The following RADIL variants were observed in gnomAD, a reference collection of about 807,000 sequenced individuals.
RADIL encodes the protein ras-associating and dilute domain-containing protein.
RADIL carries 99 observed loss-of-function variants against 97.6 expected under a neutral mutation model. The observed-to-expected ratio is 1.01, with a 90% confidence interval of 0.86 to 1.20. The LOEUF is 1.20. Ranked by LOEUF, RADIL falls within the 50% of genes most tolerant of loss-of-function variation. The probability of loss-of-function intolerance (pLI) is 0.00; values close to 1 mark genes in which losing one functional copy is unlikely to be tolerated. For synonymous variants in RADIL, 803 were observed against 691.8 expected (o/e 1.16, Z -2.52); for missense variants, 1,765 against 1,498.9 (o/e 1.18, Z -2.93).
intron 1 of RADIL, among the ~76,000 whole-genome samples, chr7:4,882,749 T>C (rs1279112986): frequency 6.6e-6 from 1 of 152,242 alleles, no homozygotes; most frequent in African/African-American, 2.4e-5. Context: ...TCTGACCTGC[T>C]AGCTGCTGGA....
Position 4,808,857 on chromosome 7 carries a change from C to T in RADIL, c.2140-3141G>A, listed in dbSNP as rs1176654592. 8.3e-6 allele frequency: 8 copies of T among 965,570 alleles called. No individual in the cohort carries two copies. In the African/African-American group the frequency reaches 1.6e-4, roughly 19 times the overall value. The allele number at this position is 965,570 out of a possible 1,614,324, so 59.8% of individuals were successfully genotyped here. On this transcript the variant is annotated intron_variant, in intron 9 of 14. Transcript: ENST00000399583. ...CCCTCCGCGTCTCCTTCCAACGCCA[C>T]TGCCCCTCCGCGTCTCCTTCCAACG...
rs181953481 is a variant in RADIL, at chr7:4,854,666, C to T, written c.536-18061G>A. On this transcript the variant is annotated intron_variant, in intron 2 of 14. Transcript: ENST00000399583. This position sits in a 1 kb window ranked among gnomAD's most constrained non-coding sequence, Gnocchi z 5.1. ...CCGAGATGGCGCCACCGCACTCCAC[C>T]CTGGGCGACAGAGCGAGACTCCGTA... 1.8e-4 allele frequency among the ~76,000 whole-genome samples: 27 copies of T among 152,270 alleles called. No homozygotes were observed. In the East Asian group the frequency reaches 4.4e-3, roughly 25 times the overall value.
intron 2 of RADIL, among the ~76,000 whole-genome samples, chr7:4,846,380 C>T (rs1783573767): frequency 6.6e-6 from 1 of 151,854 alleles, no homozygotes; most frequent in Admixed American, 6.6e-5. Context: ...CTCCTGACCT[C>T]GTGAGCCACC....
intron 5 of RADIL, among the ~76,000 whole-genome samples, chr7:4,830,459 G>A (rs577640140): frequency 1.3e-5 from 2 of 152,286 alleles, no homozygotes; most frequent in East Asian, 3.9e-4. Context: ...GGAGAGTGGC[G>A]GTGCACTACC....
Position 4,842,657 on chromosome 7 carries a change from G to A in RADIL, c.536-6052C>T, listed in dbSNP as rs6976105. 0.54 allele frequency among the ~76,000 whole-genome samples: 82,235 copies of A among 151,906 alleles called. 23,591 individuals are homozygous for A. Among genetic ancestry groups the A allele is most frequent in the African/African-American group, 0.74 (30,600 of 41,450 alleles). On this transcript the variant is annotated intron_variant, in intron 2 of 14. Coordinates refer to ENST00000399583, the MANE Select transcript of RADIL (RefSeq NM_018059.5). This position sits in a 1 kb window ranked among gnomAD's most constrained non-coding sequence, Gnocchi z 4.5. Reference sequence around the variant, plus strand: ...TCTATAAACTCAGCCGGCAGCTTTCGCCTCCTGATCCTGTTTTCTCTTCCC... The same window carrying A: ...TCTATAAACTCAGCCGGCAGCTTTCACCTCCTGATCCTGTTTTCTCTTCCC...
At chr7:4,807,871 C>G (rs534197938) in intron 9 of RADIL, among the ~76,000 whole-genome samples, 2 of 22,866 alleles carry the variant, frequency 8.7e-5, no homozygotes, top group African/African-American at 4.4e-4. Flanking sequence ...CTCTCTCTCC[C>G]CCCCATCTCT....
At position 4,801,814 on chromosome 7, in the gene RADIL, G is replaced by A; in HGVS notation, c.2681C>T (p.Pro894Leu). 1 of 1,607,810 alleles carries A rather than the reference G, an allele frequency of 6.2e-7. No individual in the cohort carries two copies. Among genetic ancestry groups the A allele is most frequent in the African/African-American group, 1.3e-5 (1 of 74,968 alleles). The change falls in exon 12 of 15, where the codon CCC becomes CTC. Residue 894 changes from proline to leucine, a missense_variant. Transcript: ENST00000399583. ...QPSRGGSQAG[P>L]PHTDSSCLLT... ...CAAGCAGGACGAGTCCGTGTGCGGG[G>A]GGCCAGCCTGGGAGCCCCCACGGCT...
chr7:4,879,777 A>G lies in RADIL; in HGVS notation c.-64-1574T>C, dbSNP rs60708223. Among the ~76,000 whole-genome samples, 16,917 of 152,244 alleles carry G rather than the reference A, an allele frequency of 0.11. 1,792 individuals are homozygous for G. The highest frequency in any genetic ancestry group is 0.27 in the African/African-American group (11,414 of 41,520). On this transcript the variant is annotated intron_variant, in intron 1 of 14. Transcript: ENST00000399583. The surrounding 1 kb of genome is among the most constrained non-coding windows in gnomAD (Gnocchi z 4.1). The stretch of plus-strand genomic sequence containing the variant: ...GGAAACTAAACAGTGGAACCGCCCC[A>G]GCCTCCAAAGCTGACACTGCGAACT...
At chr7:4,808,732 C>G (rs960530306) in intron 9 of RADIL, 7 of 970,332 alleles carry the variant, frequency 7.2e-6, no homozygotes, top group Non-Finnish European at 8.5e-6. Context: ...ACGCCACTGC[C>G]CCTCCGCGTC....
At chr7:4,805,471 C>G in intron 10 of RADIL, 95 bp downstream of exon 10, 1 of 1,422,890 alleles carries the variant, frequency 7.0e-7, no homozygotes, top group East Asian at 2.3e-5. Context: ...TCCCCCACAC[C>G]CCACTTCAGT....
chr7:4,806,107 G>A, intron 9 of RADIL: 1 of 950,552 alleles, frequency 1.1e-6, no homozygotes, highest in Non-Finnish European at 1.3e-6. Flanking sequence ...TGGAAGGCAG[G>A]GACATTCATC....
In RADIL at chr7:4,801,956, G is replaced by A. The variant is rs377270878; in HGVS notation, c.2539C>T (p.Pro847Ser). Residue 847 changes from proline (P) to serine (S), a missense_variant, in exon 12 of 15, where the codon CCG (proline) becomes TCG (serine). By Grantham distance (74) the Pro-to-Ser change is moderately conservative (BLOSUM62 -1). Coordinates refer to ENST00000399583, the MANE Select transcript of RADIL (RefSeq NM_018059.5). ...HVVLDGHLEA[P>S]SCPLAPRDPG... is the part of the protein sequence containing the mutation. ...TCCCTGGGAGCCAGGGGGCAGCTCG[G>A]GGCCTCCAGGTGCCCGTCAAGGACC... is the stretch of plus-strand genomic sequence containing the variant. The A allele has an allele frequency of 1.5e-5, 24 of 1,556,816 alleles. No homozygotes were observed. In the African/African-American group the frequency reaches 2.8e-4, roughly 18 times the overall value.
In RADIL at chr7:4,860,519, A is replaced by G. The variant is rs563953783; in HGVS notation, c.535+17086T>C. The G allele has an allele frequency of 1.7e-5, 27 of 1,614,056 alleles. No individual in the cohort carries two copies. Among genetic ancestry groups the G allele is most frequent in the African/African-American group, 9.3e-5 (7 of 74,932 alleles). On this transcript the variant is annotated intron_variant, in intron 2 of 14. Transcript: ENST00000399583. ...CACCCACATTGTACGAAATTCTTCC[A>G]TATCAGGATTTTCTTTGGGTGCTGG...
chr7:4,864,360 C>A (rs1037600542), intron 2 of RADIL, among the ~76,000 whole-genome samples: 5 of 152,218 alleles, frequency 3.3e-5, no homozygotes, highest in African/African-American at 1.2e-4. Context: ...CCATTCTAAG[C>A]CCTCATTTCT....
At chr7:4,812,409 ACTTT>A (rs928078410) in intron 9 of RADIL, among the ~76,000 whole-genome samples, 2 of 151,278 alleles carry the variant, frequency 1.3e-5, no homozygotes, top group African/African-American at 2.4e-5. Context: ...CCCTTATTCA[ACTTT>A]CTATTTTTAT....
At chr7:4,812,670 C>T (rs1782578579) in intron 9 of RADIL, among the ~76,000 whole-genome samples, 1 of 152,194 alleles carries the variant, frequency 6.6e-6, no homozygotes, top group Non-Finnish European at 1.5e-5. Context: ...GATCCACCTG[C>T]CTCAGCCTCC....
chr7:4,833,400 G>C (rs1039520802), intron 4 of RADIL, among the ~76,000 whole-genome samples: 1 of 152,146 alleles, frequency 6.6e-6, no homozygotes, highest in Non-Finnish European at 1.5e-5. Context: ...CACACTACAG[G>C]GACATCACCT....
At chr7:4,820,140 T>C (rs1206736565) in intron 6 of RADIL, among the ~76,000 whole-genome samples, 5 of 152,336 alleles carry the variant, frequency 3.3e-5, no homozygotes, top group South Asian at 2.1e-4. Flanking sequence ...CCCGTCCCCC[T>C]GTCACACGGA....
chr7:4,827,874 A>G (rs1783041267), intron 5 of RADIL, among the ~76,000 whole-genome samples: 1 of 152,106 alleles, frequency 6.6e-6, no homozygotes, highest in Non-Finnish European at 1.5e-5. Context: ...CCTTGTTACT[A>G]AAATCAGACA....
Sources: allele counts gnomAD v4.1 joint callset (sites outside exome capture counted in the v4.1 genomes callset), GRCh38; gene constraint gnomAD v4.1.1; non-coding constraint Gnocchi (gnomAD v3.1); transcripts MANE v1.5; gene names NCBI Gene and HGNC (gene_info 2026-07-23, HGNC 2026-07-21).